Variants in VAV3 observed in about 807,000 individuals in gnomAD.
The protein encoded by VAV3 is vav guanine nucleotide exchange factor 3, also known as guanine nucleotide exchange factor VAV3.
Under a neutral mutation model 131.2 loss-of-function variants are expected in VAV3, and 94 were observed. The ratio of observed to expected loss-of-function variants is 0.72; its 90% CI spans 0.61 to 0.85. The LOEUF (loss-of-function observed/expected upper bound fraction) is 0.85, where lower values mean the gene tolerates loss of function less well. Among genes scored for constraint, VAV3 ranks in the 40% least tolerant of loss-of-function variants. VAV3 has a pLI of 0.00. For missense variants in VAV3, 939 were observed against 1,002.7 expected (o/e 0.94, Z 0.86); for synonymous variants, 349 against 342.0 (o/e 1.02, Z -0.22).
intron 1 of VAV3, among the ~76,000 whole-genome samples, chr1:107,931,326 A>C (rs1376105548): frequency 6.6e-6 from 1 of 152,224 alleles, no homozygotes; most frequent in Non-Finnish European, 1.5e-5. Context: ...ATTTGCTTTA[A>C]TACTTAGGCA....
At chr1:107,950,797 G>A (rs536647647) in intron 1 of VAV3, among the ~76,000 whole-genome samples, 1 of 152,276 alleles carries the variant, frequency 6.6e-6, no homozygotes, top group South Asian at 2.1e-4. Flanking sequence ...GACCAGGAAA[G>A]GAGGAGATAT....
intron 3 of VAV3, 71 bp downstream of exon 3, chr1:107,779,363 T>C: frequency 3.6e-6 from 5 of 1,386,700 alleles, no homozygotes; most frequent in South Asian, 3.0e-5. Flanking sequence ...GCTTCACAAA[T>C]AGTAACCATT....
At chr1:107,751,973 A>G (rs1335181200) in intron 12 of VAV3, among the ~76,000 whole-genome samples, 1 of 152,252 alleles carries the variant, frequency 6.6e-6, no homozygotes, top group Non-Finnish European at 1.5e-5. Context: ...TGTTTTCTGC[A>G]CAAATAGAAA....
chr1:107,778,826 C>T (rs2102222260), intron 3 of VAV3, among the ~76,000 whole-genome samples: 1 of 152,262 alleles, frequency 6.6e-6, no homozygotes, highest in East Asian at 1.9e-4. Context: ...GCTGACTGAT[C>T]TAACTTAAGT....
chr1:107,639,823 A>G (rs1237011395), intron 20 of VAV3, among the ~76,000 whole-genome samples: 1 of 151,708 alleles, frequency 6.6e-6, no homozygotes, highest in African/African-American at 2.4e-5. Context: ...TGTTCCAACT[A>G]CTCAGGAGGC....
intron 15 of VAV3, among the ~76,000 whole-genome samples, chr1:107,717,101 TA>T (rs1299592860): frequency 1.3e-5 from 2 of 152,224 alleles, no homozygotes; most frequent in African/African-American, 2.4e-5. Context: ...TTATCATTTT[TA>T]TTGCATCTAT....
At chr1:107,671,864 T>C (rs1657823673) in intron 19 of VAV3, among the ~76,000 whole-genome samples, 1 of 152,256 alleles carries the variant, frequency 6.6e-6, no homozygotes, top group Non-Finnish European at 1.5e-5. Context: ...AGAACATGTA[T>C]TGTGACATGC....
chr1:107,956,609 T>C (rs1279482396), intron 1 of VAV3, among the ~76,000 whole-genome samples: 1 of 152,106 alleles, frequency 6.6e-6, no homozygotes, highest in Non-Finnish European at 1.5e-5. Flanking sequence ...CGATTATAAA[T>C]AAAACCATAA....
At chr1:107,869,086 A>G (rs1440358876) in intron 2 of VAV3, among the ~76,000 whole-genome samples, 1 of 152,126 alleles carries the variant, frequency 6.6e-6, no homozygotes, top group African/African-American at 2.4e-5. Context: ...GAGAAAAATA[A>G]AACTACCCTT....
intron 2 of VAV3, among the ~76,000 whole-genome samples, chr1:107,787,909 C>G (rs930565424): frequency 1.3e-5 from 2 of 152,092 alleles, no homozygotes; most frequent in African/African-American, 4.8e-5. Context: ...AACAGAGCAT[C>G]TTTTCCTCCT....
chr1:107,775,242 A>T (rs1665287133), intron 4 of VAV3, among the ~76,000 whole-genome samples: 2 of 152,062 alleles, frequency 1.3e-5, no homozygotes, highest in Non-Finnish European at 2.9e-5. Flanking sequence ...CAAAATGGGG[A>T]AGCTATAAAA....
At chr1:107,642,964 C>A (rs1419233636) in intron 19 of VAV3, among the ~76,000 whole-genome samples, 2 of 152,106 alleles carry the variant, frequency 1.3e-5, no homozygotes, top group Non-Finnish European at 2.9e-5. Flanking sequence ...ATCCCATGAT[C>A]CCTGACATAG....
intron 26 of VAV3, among the ~76,000 whole-genome samples, 162 bp downstream of exon 26, chr1:107,573,885 C>G (rs1052209780): frequency 2.0e-5 from 3 of 152,166 alleles, no homozygotes; most frequent in Non-Finnish European, 4.4e-5. Flanking sequence ...CAGCGAGTCC[C>G]TGGTATCAGC....
chr1:107,911,541 C>T (rs1476056416), intron 1 of VAV3, among the ~76,000 whole-genome samples: 2 of 152,048 alleles, frequency 1.3e-5, no homozygotes, highest in Non-Finnish European at 2.9e-5. Context: ...TTTAAATCTA[C>T]AGAATAATTA....
At chr1:107,824,328 G>A (rs767970313) in intron 2 of VAV3, among the ~76,000 whole-genome samples, 6 of 152,156 alleles carry the variant, frequency 3.9e-5, no homozygotes, top group Non-Finnish European at 8.8e-5. Context: ...AACTAACGGG[G>A]GAATATGGAA....
At chr1:107,894,948 C>T (rs1671494615) in intron 1 of VAV3, among the ~76,000 whole-genome samples, 1 of 152,140 alleles carries the variant, frequency 6.6e-6, no homozygotes, top group African/African-American at 2.4e-5. Context: ...TGCTTTAACA[C>T]AAAAGGTGCT....
intron 5 of VAV3, 35 bp from the exon 6 acceptor site, chr1:107,770,763 TA>T: frequency 3.3e-6 from 5 of 1,516,608 alleles, no homozygotes; most frequent in Non-Finnish European, 3.6e-6. Context: ...AATGATTTAA[TA>T]AAATCATATA....
chr1:107,896,937 A>G (rs1477998909), intron 1 of VAV3, among the ~76,000 whole-genome samples: 2 of 152,146 alleles, frequency 1.3e-5, no homozygotes, highest in Admixed American at 6.5e-5. Flanking sequence ...AGAAATAGAC[A>G]GGAAAATAAA....
chr1:107,581,877 A>T (rs1288924479), intron 25 of VAV3, among the ~76,000 whole-genome samples: 1 of 152,244 alleles, frequency 6.6e-6, no homozygotes, highest in East Asian at 1.9e-4. Context: ...TCGTTCAGGT[A>T]CTAGTTATCA....
Sources: gnomAD v4.1 joint callset for allele counts (sites outside exome capture counted in the v4.1 genomes callset) on GRCh38, gnomAD v4.1.1 for gene constraint, MANE v1.5 for transcripts, NCBI Gene and HGNC (gene_info 2026-07-23, HGNC 2026-07-21) for gene names.